Variants in CAPN13 observed in about 807,000 individuals in gnomAD.
The protein encoded by CAPN13 is calpain 13.
Under a neutral mutation model 98.4 loss-of-function variants are expected in CAPN13, and 90 were observed. The ratio of observed to expected loss-of-function variants is 0.92; its 90% confidence interval spans 0.77 to 1.09. The LOEUF (loss-of-function observed/expected upper bound fraction) is 1.09, where lower values mean the gene tolerates loss of function less well. Among genes scored for constraint, CAPN13 ranks in the 50% least tolerant of loss-of-function variants. The pLI, the probability that CAPN13 is intolerant of heterozygous loss-of-function variation, is 0.00. For synonymous variants in CAPN13, 330 were observed against 305.5 expected, an observed-to-expected ratio of 1.08 and a Z score of -0.84; for missense variants, 887 against 841.3, an observed-to-expected ratio of 1.05 and a Z score of -0.67.
chr2:30,800,141 A>AAAGAAAGAAAGAAAGT (rs1675156413), intron 1 of CAPN13, among the ~76,000 whole-genome samples: 1 of 146,318 alleles, frequency 6.8e-6, no homozygotes, highest in African/African-American at 2.7e-5. Context: ...AGAAAGAAAG[A>AAAGAAAGAAAGAAAGT]AAGAAAGAAA....
chr2:30,784,818 G>C (rs751255804), intron 2 of CAPN13, among the ~76,000 whole-genome samples: 31 of 152,118 alleles, frequency 2.0e-4, no homozygotes, highest in Non-Finnish European at 3.5e-4. Context: ...GCTCACAACA[G>C]TACCTTATCA....
chr2:30,767,440 A>G (rs1673167414), intron 5 of CAPN13, among the ~76,000 whole-genome samples: 1 of 152,306 alleles, frequency 6.6e-6, no homozygotes, highest in Non-Finnish European at 1.5e-5. Context: ...ATCTGTTAAC[A>G]AAATGGGGTC....
chr2:30,731,539 C>T (rs1035974288), intron 20 of CAPN13, 140 bp from the exon 21 acceptor site: 2 of 662,670 alleles, frequency 3.0e-6, no homozygotes, highest in Non-Finnish European at 5.0e-6. Flanking sequence ...GTGTGCCTGT[C>T]ACCCATCCTT....
chr2:30,746,246 A>G (rs546834003), intron 11 of CAPN13, among the ~76,000 whole-genome samples: 18 of 152,200 alleles, frequency 1.2e-4, no homozygotes, highest in Non-Finnish European at 2.5e-4. Context: ...AACAAGATGA[A>G]GTAAAGACAA....
At chr2:30,794,962 G>C (rs1011270518) in intron 1 of CAPN13, among the ~76,000 whole-genome samples, 1 of 151,938 alleles carries the variant, frequency 6.6e-6, no homozygotes, top group Non-Finnish European at 1.5e-5. Context: ...GATTTCACAT[G>C]TGTATACACA....
At chr2:30,764,095 G>T in intron 6 of CAPN13, 37 bp downstream of exon 6, 1 of 1,539,592 alleles carries the variant, frequency 6.5e-7, no homozygotes, top group Non-Finnish European at 8.8e-7. Context: ...GCTGAGGAAA[G>T]CTTGAACTGG....
chr2:30,787,133 G>T lies in CAPN13; in HGVS notation c.193C>A (p.Pro65Thr). 1 of 1,559,878 alleles carries T rather than the reference G, an allele frequency of 6.4e-7. No homozygotes were observed. The highest frequency in any genetic ancestry group is 2.4e-5 in the East Asian group (1 of 41,864). The change falls in exon 2 of 23, where the codon CCA (proline) becomes ACA (threonine). Residue 65 changes from proline (P) to threonine (T), a missense_variant. Pro to Thr is a conservative substitution (Grantham distance 38, BLOSUM62 -1). Coordinates refer to ENST00000295055, the MANE Select transcript of CAPN13 (RefSeq NM_144575.3). ...KRLSNVIWKR[P>T]QDLPGGPPHF... ...CTCGTGTGGGGCTCACTCACCTGTG[G>T]CCGCTTCCATATCACATTGGAGAGG...
At chr2:30,767,875 G>A (rs1371088434) in intron 5 of CAPN13, among the ~76,000 whole-genome samples, 1 of 152,182 alleles carries the variant, frequency 6.6e-6, no homozygotes, top group Non-Finnish European at 1.5e-5. Flanking sequence ...CTGCAGAATG[G>A]ACGGGAAAGA....
intron 15 of CAPN13, 63 bp downstream of exon 15, chr2:30,741,845 G>C: frequency 1.9e-6 from 3 of 1,612,300 alleles, no homozygotes; most frequent in Non-Finnish European, 2.5e-6. Flanking sequence ...TGTGAGAGCT[G>C]TCCCTCCCTC....
intron 11 of CAPN13, among the ~76,000 whole-genome samples, chr2:30,749,921 T>A (rs906914061): frequency 6.6e-6 from 1 of 151,876 alleles, no homozygotes. Flanking sequence ...AAATGATATT[T>A]AAAAAAAATG....
chr2:30,799,484 G>A (rs1297881717), intron 1 of CAPN13, among the ~76,000 whole-genome samples: 2 of 152,168 alleles, frequency 1.3e-5, no homozygotes, highest in Non-Finnish European at 2.9e-5. Context: ...AGACTATGCA[G>A]GGCTCACTTT....
Position 30,775,951 on chromosome 2 carries a change from A to G in CAPN13, c.366T>C (p.Tyr122=). ...ILMVQSFSHQ[Y]AGIFRFRFWQ... Reference sequence around the variant, plus strand: ...GTACCCGGAAACGGAAAATGCCAGCATACTGGTGTGAAAAGCTTTGGACCA... The same window carrying G: ...GTACCCGGAAACGGAAAATGCCAGCGTACTGGTGTGAAAAGCTTTGGACCA... The change falls in exon 4 of 23, where the codon TAT becomes TAC. Residue 122 remains tyrosine (Y), a synonymous_variant. Coordinates refer to ENST00000295055, the MANE Select transcript of CAPN13 (RefSeq NM_144575.3). 6.2e-7 allele frequency: 1 copy of G among 1,611,192 alleles called. No individual in the cohort carries two copies. Among genetic ancestry groups the G allele is most frequent in the South Asian group, 1.1e-5 (1 of 90,312 alleles).
chr2:30,775,876 C>T (rs2148049148), intron 4 of CAPN13, 54 bp downstream of exon 4: 6 of 1,330,948 alleles, frequency 4.5e-6, no homozygotes, highest in Non-Finnish European at 6.3e-6. Context: ...TTTCACCTTC[C>T]CTGTACTCAC....
chr2:30,776,166 T>TC (rs1673682138), intron 3 of CAPN13, 121 bp from the exon 4 acceptor site: 6 of 567,952 alleles, frequency 1.1e-5, no homozygotes, highest in Middle Eastern at 4.6e-4. Flanking sequence ...CATTTTTTTT[T>TC]CCTCTGAGAG....
At chr2:30,804,395 G>A (rs1326648265) in intron 1 of CAPN13, among the ~76,000 whole-genome samples, 1 of 152,166 alleles carries the variant, frequency 6.6e-6, no homozygotes, top group Admixed American at 6.5e-5. Flanking sequence ...TAGAGACAGA[G>A]TTTCACCATG....
chr2:30,777,982 A>G (rs1673787839), intron 2 of CAPN13, among the ~76,000 whole-genome samples: 1 of 152,258 alleles, frequency 6.6e-6, no homozygotes, highest in Admixed American at 6.5e-5. Flanking sequence ...AAAAATGAAT[A>G]GAATACATTT....
intron 18 of CAPN13, among the ~76,000 whole-genome samples, chr2:30,736,222 C>T (rs1182488162): frequency 5.8e-4 from 4 of 6,940 alleles, no homozygotes; most frequent in Non-Finnish European, 8.1e-4. Context: ...GATGCAGGGG[C>T]GGGGGTGGGG....
chr2:30,730,734 GC>G lies in CAPN13; in HGVS notation c.*25del. ...TCCAAAGCTACCATGTCTTACCTGA[GC>G]CATGGGTCTGCTTTCCTCTTTGCTT... On this transcript the variant is annotated 3_prime_UTR_variant, in exon 22 of 23. Coordinates refer to ENST00000295055, the MANE Select transcript of CAPN13 (RefSeq NM_144575.3). 1.3e-6 allele frequency: 1 copy of G among 780,876 alleles called. No individual in the cohort carries two copies. Among genetic ancestry groups the G allele is most frequent in the Admixed American group, 1.7e-5 (1 of 59,046 alleles). The allele number at this position is 780,876 out of a possible 1,614,324, so 48.4% of individuals were successfully genotyped here. A position where few individuals can be genotyped will look rare whatever the true frequency, so the allele number is the denominator to read the frequency against.
At chr2:30,742,232 G>T in intron 14 of CAPN13, 94 bp downstream of exon 14, 3 of 1,390,196 alleles carry the variant, frequency 2.2e-6, no homozygotes, top group South Asian at 1.2e-5. Flanking sequence ...TTCATTGGTT[G>T]GGGGCAGCGG....
Sources: allele counts gnomAD v4.1 joint callset (sites outside exome capture counted in the v4.1 genomes callset), GRCh38; gene constraint gnomAD v4.1.1; transcripts MANE v1.5; gene names NCBI Gene and HGNC (gene_info 2026-07-23, HGNC 2026-07-21).